Variants in NPAS2 observed in about 807,000 individuals in gnomAD.
The protein encoded by NPAS2 is neuronal PAS domain-containing protein 2.
Under a neutral mutation model 107.5 loss-of-function variants are expected in NPAS2, and 23 were observed. The ratio of observed to expected loss-of-function variants is 0.21; its 90% CI spans 0.15 to 0.30. The LOEUF (loss-of-function observed/expected upper bound fraction) is 0.30. Among genes scored for constraint, NPAS2 ranks in the 10% least tolerant of loss-of-function variants. NPAS2 has a pLI of 1.00. For synonymous variants in NPAS2, 403 were observed against 417.5 expected (o/e 0.97, Z 0.42); for missense variants, 756 against 1,043.3 (o/e 0.72, Z 3.79).
chr2:100,990,834 G>A lies in NPAS2; in HGVS notation c.2073G>A (p.Arg691=). 6.2e-7 allele frequency: 1 copy of A among 1,614,190 alleles called. No homozygotes were observed. The highest frequency in any genetic ancestry group is 8.5e-7 in the Non-Finnish European group (1 of 1,180,030). ...QPMMPGSCDA[R]QPSEVSRTGR... The stretch of plus-strand genomic sequence containing the variant: ...TGATGCCCGGGTCCTGTGACGCAAG[G>A]CAGCCCTCGGAAGTCAGCAGGACGG... The change falls in exon 19 of 21, where the codon AGG becomes AGA. Residue 691 remains arginine (R), a synonymous_variant. Coordinates refer to ENST00000335681, the MANE Select transcript of NPAS2 (RefSeq NM_002518.4).
At chr2:100,919,538 A>T (rs11674772) in intron 2 of NPAS2, among the ~76,000 whole-genome samples, 12,195 of 152,050 alleles carry the variant, frequency 0.08, 700 homozygotes, top group East Asian at 0.26. Flanking sequence ...GGGGTGGAGG[A>T]GCCTCACGGA....
At chr2:100,971,285 T>A in intron 12 of NPAS2, among the ~76,000 whole-genome samples, 2 of 110,016 alleles carry the variant, frequency 1.8e-5, no homozygotes. Context: ...GATGACAGAG[T>A]AAGACTCTAT....
chr2:100,975,740 A>G (rs1412561770), intron 14 of NPAS2, 173 bp downstream of exon 14: 3 of 514,650 alleles, frequency 5.8e-6, no homozygotes, highest in Non-Finnish European at 1.0e-5. Flanking sequence ...ACTAATTTTA[A>G]ACATTTGCAT....
upstream of NPAS2, among the ~76,000 whole-genome samples, chr2:100,819,798 C>A (rs200226624): frequency 6.8e-6 from 1 of 147,772 alleles, no homozygotes; most frequent in Non-Finnish European, 1.5e-5. The surrounding 1 kb of genome is among the most constrained non-coding windows in gnomAD (Gnocchi z 5.8). Context: ...ACAACCCCCC[C>A]CTCCCCCAGC....
intron 1 of NPAS2, among the ~76,000 whole-genome samples, chr2:100,895,976 A>T (rs534884952): frequency 1.3e-5 from 2 of 152,180 alleles, no homozygotes; most frequent in Non-Finnish European, 2.9e-5. Flanking sequence ...TTCAAAGTAG[A>T]TAAGAAAGGC....
intron 11 of NPAS2, among the ~76,000 whole-genome samples, chr2:100,970,172 G>C (rs1404330558): frequency 1.3e-5 from 2 of 152,304 alleles, no homozygotes; most frequent in East Asian, 3.9e-4. Context: ...GCAGCCGCCT[G>C]TTGCCACCCA....
chr2:100,925,424 C>T (rs2104897121), intron 3 of NPAS2, 130 bp downstream of exon 3: 1 of 957,778 alleles, frequency 1.0e-6, no homozygotes, highest in Non-Finnish European at 1.6e-6. Context: ...CGAGGGCTTC[C>T]CATTGTAAAG....
At chr2:100,885,852 A>G (rs114056986) in intron 1 of NPAS2, among the ~76,000 whole-genome samples, 3,073 of 152,194 alleles carry the variant, frequency 0.02, 55 homozygotes, top group African/African-American at 0.026. Flanking sequence ...TAGTAGAGAC[A>G]GCCTAGCCAT....
intron 1 of NPAS2, among the ~76,000 whole-genome samples, chr2:100,859,782 TA>T (rs1678821860): frequency 6.6e-6 from 1 of 152,200 alleles, no homozygotes; most frequent in Non-Finnish European, 1.5e-5. Flanking sequence ...TGGTTGGTGT[TA>T]ACTTTTTATT....
chr2:100,894,397 A>C (rs1681272737), intron 1 of NPAS2, among the ~76,000 whole-genome samples: 1 of 152,184 alleles, frequency 6.6e-6, no homozygotes. Context: ...AGTGATAACC[A>C]GGTCCATGCA....
rs185914849 is a variant in NPAS2, at chr2:100,835,109, C to T, written c.-23+14695C>T. 1.7e-3 allele frequency among the ~76,000 whole-genome samples: 254 copies of T among 152,242 alleles called. 2 individuals carry two copies. The highest frequency in any genetic ancestry group is 5.8e-3 in the African/African-American group (240 of 41,542). On this transcript the variant is annotated intron_variant, in intron 1 of 20. Transcript: ENST00000335681. Reference sequence around the variant, plus strand: ...GGGGGACCCTGTGTTCGACAGTCATCGTTACAGACACGAGTTTGCTCATTT... The same window carrying T: ...GGGGGACCCTGTGTTCGACAGTCATTGTTACAGACACGAGTTTGCTCATTT...
chr2:100,851,519 C>T (rs138746001), intron 1 of NPAS2, among the ~76,000 whole-genome samples: 180 of 152,246 alleles, frequency 1.2e-3, no homozygotes, highest in African/African-American at 4.0e-3. Flanking sequence ...TACTAACCAG[C>T]GTTGTTCATG....
At chr2:100,936,550 C>A in intron 4 of NPAS2, among the ~76,000 whole-genome samples, 1 of 152,310 alleles carries the variant, frequency 6.6e-6, no homozygotes, top group Middle Eastern at 3.4e-3. Flanking sequence ...CTGGCACACC[C>A]TAGACAGCCA....
At chr2:100,847,147 T>C (rs898740530) in intron 1 of NPAS2, 1 of 152,230 alleles carries the variant, frequency 6.6e-6, no homozygotes, top group Non-Finnish European at 1.5e-5. Flanking sequence ...TGGGACTGAT[T>C]TGCTATCTAT....
intron 1 of NPAS2, among the ~76,000 whole-genome samples, chr2:100,877,062 A>G (rs1680015939): frequency 6.6e-6 from 1 of 152,224 alleles, no homozygotes; most frequent in African/African-American, 2.4e-5. Flanking sequence ...TCATGGATCA[A>G]GTTCCTCCTG....
At chr2:100,839,834 A>G (rs1190505738) in intron 1 of NPAS2, among the ~76,000 whole-genome samples, 1 of 152,146 alleles carries the variant, frequency 6.6e-6, no homozygotes, top group Non-Finnish European at 1.5e-5. Context: ...TCAGTTAAGA[A>G]TATTTGTGCT....
At position 100,938,833 on chromosome 2, in the gene NPAS2, A is replaced by G. The variant is rs550703896; in HGVS notation, c.363+991A>G. 5.6e-4 allele frequency among the ~76,000 whole-genome samples: 85 copies of G among 152,202 alleles called. 1 individual carries two copies. The highest frequency in any genetic ancestry group is 2.0e-3 in the African/African-American group (85 of 41,532). ...CCAGGAGCAGCACGTGTGATGGACA[A>G]GAAAAAAACGTCCTCTCTCCGCTCT... On this transcript the variant is annotated intron_variant, in intron 5 of 20. Transcript: ENST00000335681.
chr2:100,935,054 A>G (rs1684212569), intron 4 of NPAS2: 7 of 985,312 alleles, frequency 7.1e-6, no homozygotes, highest in Admixed American at 6.1e-5. Flanking sequence ...GAGGACTCAC[A>G]TAGCTGTGAA....
intron 1 of NPAS2, among the ~76,000 whole-genome samples, chr2:100,890,076 C>T (rs1197215848): frequency 1.3e-5 from 2 of 152,104 alleles, no homozygotes; most frequent in Non-Finnish European, 1.5e-5. Flanking sequence ...GTGAAATGGG[C>T]ACCCTCCTGC....
Sources: allele counts gnomAD v4.1 joint callset (sites outside exome capture counted in the v4.1 genomes callset), GRCh38; gene constraint gnomAD v4.1.1; non-coding constraint Gnocchi (gnomAD v3.1); transcripts MANE v1.5; gene names NCBI Gene and HGNC (gene_info 2026-07-23, HGNC 2026-07-21).